ARHGEF18: variants seen among roughly 807,000 people sequenced by gnomAD.
The protein encoded by ARHGEF18 is Rho/Rac guanine nucleotide exchange factor 18, also known as rho guanine nucleotide exchange factor 18.
Under a neutral mutation model 155.7 loss-of-function variants are expected in ARHGEF18, and 93 were observed. That is an observed-to-expected ratio of 0.60 (90% CI 0.50 to 0.71). ARHGEF18 has a LOEUF of 0.71. Among genes scored for constraint, ARHGEF18 ranks in the 30% least tolerant of loss-of-function variants. The probability of loss-of-function intolerance (pLI) is 0.00; values close to 1 mark genes in which losing one functional copy is unlikely to be tolerated. For synonymous variants in ARHGEF18, 742 were observed against 753.1 expected (o/e 0.99, Z 0.24); for missense variants, 1,593 against 1,816.1 (o/e 0.88, Z 2.23).
intron 10 of ARHGEF18, among the ~76,000 whole-genome samples, chr19:7,439,175 A>G (rs939177839): frequency 4.6e-5 from 7 of 150,904 alleles, no homozygotes; most frequent in African/African-American, 1.7e-4. Context: ...GAGCCACCGC[A>G]CCCGGCCATA....
rs34155241 is a variant in ARHGEF18, at chr19:7,462,836, C to CTTTTT, written c.2635+516_2635+520dup. On this transcript the variant is annotated intron_variant, in intron 21 of 28. Coordinates refer to ENST00000668164, the MANE Select transcript of ARHGEF18 (RefSeq NM_001367823.1). The surrounding 1 kb of genome is among the most constrained non-coding windows in gnomAD (Gnocchi z 4.4). The stretch of plus-strand genomic sequence containing the variant: ...AGTCTGCTCTTTCTTTTTTTCTTTT[C>CTTTTT]TTTTTTTTTTTTTTTTTTGAGATGG... Among the ~76,000 whole-genome samples, 1 of 96,488 alleles carries CTTTTT rather than the reference C, an allele frequency of 1.0e-5. No homozygotes were observed. Among genetic ancestry groups the CTTTTT allele is most frequent in the Non-Finnish European group, 2.0e-5 (1 of 49,448 alleles). The allele number at this position is 96,488 out of a possible 152,430, so 63.3% of individuals were successfully genotyped here. A position where few individuals can be genotyped will look rare whatever the true frequency, so the allele number is the denominator to read the frequency against.
Position 7,470,976 on chromosome 19 carries a change from C to A in ARHGEF18, c.*678C>A. Reference sequence around the variant, plus strand: ...AGTCAGGTTCTGTGGGTTTGGAAGCCCATCGTGAAAGGGGCTGACCTTTGC... The same window carrying A: ...AGTCAGGTTCTGTGGGTTTGGAAGCACATCGTGAAAGGGGCTGACCTTTGC... On this transcript the variant is annotated 3_prime_UTR_variant, in exon 29 of 29. Transcript: ENST00000668164. This position sits in a 1 kb window ranked among gnomAD's most constrained non-coding sequence, Gnocchi z 5.9. The A allele has an allele frequency of 2.5e-6, 1 of 399,490 alleles. No individual in the cohort carries two copies. The highest frequency in any genetic ancestry group is 4.4e-6 in the Non-Finnish European group (1 of 225,366). 24.7% of individuals were successfully genotyped at this position (399,490 alleles called of 1,614,324 possible). A position where few individuals can be genotyped will look rare whatever the true frequency, so the allele number is the denominator to read the frequency against.
At chr19:7,409,053 G>C (rs894755165) in intron 10 of ARHGEF18, among the ~76,000 whole-genome samples, 10 of 137,764 alleles carry the variant, frequency 7.3e-5, no homozygotes, top group African/African-American at 2.6e-4. Flanking sequence ...GCAAGACCCT[G>C]TTTCTTTTTT....
chr19:7,379,111 C>T lies in ARHGEF18; in HGVS notation c.600-11C>T. 1 of 1,232,446 alleles carries T rather than the reference C, an allele frequency of 8.1e-7. No homozygotes were observed. Among genetic ancestry groups the T allele is most frequent in the Non-Finnish European group, 1.0e-6 (1 of 988,246 alleles). 76.3% of individuals were successfully genotyped at this position (1,232,446 alleles called of 1,614,324 possible). ...CCATGGGCTGTTCTAATCCCACCTC[C>T]ACCCCCACAGGCTGATTGTCCAGCA... is the stretch of plus-strand genomic sequence containing the variant. On this transcript the variant is annotated splice_polypyrimidine_tract_variant and intron_variant, in intron 6 of 28. Coordinates refer to ENST00000668164, the MANE Select transcript of ARHGEF18 (RefSeq NM_001367823.1).
rs1167283469 is a variant in ARHGEF18 at position 7,444,006 on chromosome 19, T to C, written c.1361-198T>C. Among the ~76,000 whole-genome samples, 1 of 152,050 alleles carries C rather than the reference T, an allele frequency of 6.6e-6. No homozygotes were observed. The highest frequency in any genetic ancestry group is 1.5e-5 in the Non-Finnish European group (1 of 68,006). ...GAGGCCCAGGGTTCTCTCCTTCCCC[T>C]GCTCCTTCAGGCTGGGATCCCCCGC... On this transcript the variant is annotated intron_variant, in intron 13 of 28. Coordinates refer to ENST00000668164, the MANE Select transcript of ARHGEF18 (RefSeq NM_001367823.1). This position sits in a 1 kb window ranked among gnomAD's most constrained non-coding sequence, Gnocchi z 4.7.
chr19:7,365,030 A>G (rs1016351823), intron 2 of ARHGEF18, among the ~76,000 whole-genome samples: 11 of 152,278 alleles, frequency 7.2e-5, no homozygotes, highest in Admixed American at 7.2e-4. Context: ...CATCCGCTAC[A>G]CTAAGGAAGG....
chr19:7,459,899 G>A lies in ARHGEF18; in HGVS notation c.2361-4G>A. 6.4e-7 allele frequency: 1 copy of A among 1,569,060 alleles called. No individual in the cohort carries two copies. The highest frequency in any genetic ancestry group is 1.2e-5 in the South Asian group (1 of 85,344). On this transcript the variant is annotated splice_region_variant and splice_polypyrimidine_tract_variant and intron_variant, in intron 19 of 28. Transcript: ENST00000668164. Reference sequence around the variant, plus strand: ...AGTTACCCACCCGACTCCTCTCCCTGCAGCTGCCCTGACGAGGAGGAGGGG... The same window carrying A: ...AGTTACCCACCCGACTCCTCTCCCTACAGCTGCCCTGACGAGGAGGAGGGG...
intron 1 of ARHGEF18, among the ~76,000 whole-genome samples, chr19:7,362,271 GGAAGGAGAAGAAGAGGAGGAGGAA>G (rs1470594748): frequency 1.7e-4 from 23 of 131,616 alleles, no homozygotes; most frequent in Admixed American, 1.6e-3. Context: ...AAAGGAAGAA[GGAAGGAGAAGAAGAGGAGGAGGAA>G]GAAGGAGAAG....
rs945992349 is a variant in ARHGEF18 at position 7,467,051 on chromosome 19, T to A, written c.2962-20T>A. ...GCCTCAGCCCGATAACTAGCATCAA[T>A]CTCCCTCTCCTCTCCGCAGCTTGTC... On this transcript the variant is annotated intron_variant, in intron 24 of 28. Coordinates refer to ENST00000668164, the MANE Select transcript of ARHGEF18 (RefSeq NM_001367823.1). 4 of 1,609,818 alleles carry A rather than the reference T, an allele frequency of 2.5e-6. No individual in the cohort carries two copies. In the African/African-American group the frequency reaches 5.3e-5, roughly 22 times the overall value.
intron 16 of ARHGEF18, among the ~76,000 whole-genome samples, chr19:7,452,030 C>A (rs532993139): frequency 6.6e-6 from 1 of 152,142 alleles, no homozygotes; most frequent in African/African-American, 2.4e-5. Context: ...CCCAGCCTGG[C>A]CTGGGGCTTT....
Position 7,470,179 on chromosome 19 carries a change from TTC to T in ARHGEF18, c.3974_3975del (p.Leu1325GlnfsTer41), listed in dbSNP as rs765996002. 1 of 1,612,074 alleles carries T rather than the reference TTC, an allele frequency of 6.2e-7. No homozygotes were observed. Among genetic ancestry groups the T allele is most frequent in the South Asian group, 1.1e-5 (1 of 91,060 alleles). On this transcript the variant is annotated frameshift_variant, in exon 29 of 29. Coordinates refer to ENST00000668164, the MANE Select transcript of ARHGEF18 (RefSeq NM_001367823.1). LOFTEE classifies it low-confidence loss of function (END_TRUNC). This position sits in a 1 kb window ranked among gnomAD's most constrained non-coding sequence, Gnocchi z 5.9. ...PPPADSPSEG[F>X]SLKAGGTALL... is the part of the protein sequence containing the mutation. ...GCCAGCTGACAGCCCCTCCGAGGGC[TTC>T]TCTCTCAAGGCCGGGGGCACAGCCC...
At chr19:7,368,689 C>A (rs116745458) in intron 2 of ARHGEF18, among the ~76,000 whole-genome samples, 1 of 152,040 alleles carries the variant, frequency 6.6e-6, no homozygotes, top group African/African-American at 2.4e-5. Context: ...TTTATATTTA[C>A]AGGAGGATGA....
chr19:7,479,061 G>C, the ARHGEF18 span, among the ~76,000 whole-genome samples: 1 of 152,368 alleles, frequency 6.6e-6, no homozygotes, highest in Middle Eastern at 3.4e-3. Context: ...GCAGGGCCTG[G>C]TCACAACTCC....
chr19:7,383,850 T>C (rs549747708), intron 10 of ARHGEF18, among the ~76,000 whole-genome samples: 59 of 145,038 alleles, frequency 4.1e-4, no homozygotes, highest in Non-Finnish European at 8.1e-4. Flanking sequence ...GGGAGGGGCA[T>C]ACAATTTTAT....
At chr19:7,477,023 G>A (rs993706126), downstream of ARHGEF18, 3 of 481,370 alleles carry the variant, frequency 6.2e-6, no homozygotes, top group South Asian at 1.3e-4. Flanking sequence ...AAACTGTCAC[G>A]GCTCAGGAGC....
chr19:7,364,683 G>A (rs546503806), intron 2 of ARHGEF18, among the ~76,000 whole-genome samples: 23 of 152,296 alleles, frequency 1.5e-4, no homozygotes, highest in African/African-American at 5.3e-4. Flanking sequence ...CTGGGACTGA[G>A]GTCGTGGCAA....
intron 2 of ARHGEF18, among the ~76,000 whole-genome samples, chr19:7,364,314 T>C (rs941771881): frequency 3.8e-5 from 5 of 130,612 alleles, no homozygotes; most frequent in African/African-American, 1.5e-4. Flanking sequence ...GGAGGGGTAA[T>C]GGATAGATGA....
Position 7,467,277 on chromosome 19 carries a change from A to C in ARHGEF18, c.3073A>C (p.Lys1025Gln). Reference protein sequence around the residue: ...TQRAAIQEREKQFRLQSTRGN... With the variant: ...TQRAAIQEREQQFRLQSTRGN... ...GCGGGCTGCCATCCAGGAGCGGGAG[A>C]AGCAGTTCCGGCTGCAGTCGACGCG... Residue 1025 changes from lysine (K) to glutamine (Q), a missense_variant, in exon 26 of 29, where the codon AAG becomes CAG. Lys to Gln is a moderately conservative substitution (Grantham distance 53). Coordinates refer to ENST00000668164, the MANE Select transcript of ARHGEF18 (RefSeq NM_001367823.1). 1 of 1,555,356 alleles carries C rather than the reference A, an allele frequency of 6.4e-7. No individual in the cohort carries two copies. Among genetic ancestry groups the C allele is most frequent in the Non-Finnish European group, 8.7e-7 (1 of 1,153,156 alleles).
Position 7,442,132 on chromosome 19 carries a change from T to TC in ARHGEF18, c.1360+82dup. 10 of 89,836 alleles carry TC rather than the reference T, an allele frequency of 1.1e-4. No individual in the cohort carries two copies. In the South Asian group the frequency reaches 1.7e-3, roughly 16 times the overall value. The allele number at this position is 89,836 out of a possible 1,614,324, so 5.6% of individuals were successfully genotyped here. A position where few individuals can be genotyped will look rare whatever the true frequency, so the allele number is the denominator to read the frequency against. ...TCCCTCCCTTCCTCCCTCCCTTCCTTCCTTCCTTCCTTCCTTCCTTCCTTC... is the reference window on the plus strand; with the variant it reads ...TCCCTCCCTTCCTCCCTCCCTTCCTTCCCTTCCTTCCTTCCTTCCTTCCTTC... On this transcript the variant is annotated intron_variant, in intron 13 of 28. Transcript: ENST00000668164.
Sources: allele counts gnomAD v4.1 joint callset (sites outside exome capture counted in the v4.1 genomes callset), GRCh38; gene constraint gnomAD v4.1.1; non-coding constraint Gnocchi (gnomAD v3.1); transcripts MANE v1.5; gene names NCBI Gene and HGNC (gene_info 2026-07-23, HGNC 2026-07-21).